CACNA2D1: variants seen among roughly 807,000 people sequenced by gnomAD.
CACNA2D1 encodes calcium voltage-gated channel auxiliary subunit alpha2delta 1.
CACNA2D1 carries 53 observed loss-of-function variants against 171.5 expected under a neutral mutation model. The ratio of observed to expected loss-of-function variants is 0.31; its 90% CI spans 0.25 to 0.39. The LOEUF (loss-of-function observed/expected upper bound fraction) is 0.39, where lower values mean the gene tolerates loss of function less well. Among genes scored for constraint, CACNA2D1 ranks in the 10% least tolerant of loss-of-function variants. CACNA2D1 has a pLI of 1.00. For synonymous variants in CACNA2D1, 442 were observed against 443.1 expected, an observed-to-expected ratio of 1.00 and a Z score of 0.03; for missense variants, 903 against 1,299.8, an observed-to-expected ratio of 0.69 and a Z score of 4.69.
chr7:81,984,202 C>T (rs180678841), intron 22 of CACNA2D1, among the ~76,000 whole-genome samples: 11 of 152,000 alleles, frequency 7.2e-5, no homozygotes, highest in African/African-American at 2.7e-4. Context: ...TTATTCTGGC[C>T]AAATGCAAAA....
chr7:82,340,402 C>T (rs1196323204), intron 2 of CACNA2D1, among the ~76,000 whole-genome samples: 1 of 150,874 alleles, frequency 6.6e-6, no homozygotes, highest in Non-Finnish European at 1.5e-5. Context: ...AACTCTCAGG[C>T]TTAAGCAATC....
chr7:82,299,060 CAAA>C (rs11438533), intron 3 of CACNA2D1, among the ~76,000 whole-genome samples: 1 of 111,848 alleles, frequency 8.9e-6, no homozygotes, highest in Non-Finnish European at 1.9e-5. Context: ...GAGACTCTGT[CAAA>C]AAAAAAAAAA....
chr7:82,112,133 T>C (rs1788547174), intron 6 of CACNA2D1, among the ~76,000 whole-genome samples: 1 of 152,172 alleles, frequency 6.6e-6, no homozygotes, highest in Admixed American at 6.5e-5. Context: ...ACTTTGGTTA[T>C]AAACCAATTA....
intron 7 of CACNA2D1, among the ~76,000 whole-genome samples, chr7:82,078,460 A>C (rs1001348274): frequency 6.6e-6 from 1 of 152,210 alleles, no homozygotes; most frequent in Non-Finnish European, 1.5e-5. Flanking sequence ...CAAAGTTGAT[A>C]GCTATTGAAA....
At chr7:82,000,064 T>C (rs1472247030) in intron 18 of CACNA2D1, among the ~76,000 whole-genome samples, 1 of 151,884 alleles carries the variant, frequency 6.6e-6, no homozygotes, top group Non-Finnish European at 1.5e-5. Context: ...ATCAAGACCA[T>C]GCTGGCCAAC....
intron 23 of CACNA2D1, 78 bp from the exon 24 acceptor site, chr7:81,982,705 G>T: frequency 2.2e-6 from 2 of 896,460 alleles, no homozygotes; most frequent in South Asian, 1.3e-5. Context: ...AAGAAGGCAT[G>T]AGAAAGATTA....
Position 81,969,900 on chromosome 7 carries a change from G to A in CACNA2D1, c.2289C>T (p.Phe763=), listed in dbSNP as rs1283388031. The change falls in exon 28 of 39, where the codon TTC becomes TTT. Residue 763 remains phenylalanine, a synonymous_variant. Coordinates refer to ENST00000356860, the MANE Select transcript of CACNA2D1 (RefSeq NM_000722.4). ...ACTTACTGTTAAAGTAGGGAGCAGT[G>A]AAAACATAGTTATCATTATCTAGGC... ...KRSLDNDNYV[F]TAPYFNKSGP... is the part of the protein sequence containing the mutation. The A allele has an allele frequency of 2.5e-6, 4 of 1,597,432 alleles. No individual in the cohort carries two copies. The highest frequency in any genetic ancestry group is 3.4e-6 in the Non-Finnish European group (4 of 1,165,894).
At chr7:82,049,712 C>G (rs1804980203) in intron 10 of CACNA2D1, among the ~76,000 whole-genome samples, 1 of 152,170 alleles carries the variant, frequency 6.6e-6, no homozygotes, top group African/African-American at 2.4e-5. Flanking sequence ...CTTAACAGAG[C>G]TCCCAGGCAA....
intron 1 of CACNA2D1, among the ~76,000 whole-genome samples, chr7:82,375,851 T>C (rs956226658): frequency 2.0e-5 from 3 of 152,110 alleles, no homozygotes; most frequent in African/African-American, 7.2e-5. Context: ...AGGGTGAAAA[T>C]CAGTTACTGG....
At position 82,370,645 on chromosome 7, in the gene CACNA2D1, A is replaced by C. The variant is rs1284973893; in HGVS notation, c.96-20996T>G. Among the ~76,000 whole-genome samples, 4 of 152,090 alleles carry C rather than the reference A, an allele frequency of 2.6e-5. No individual in the cohort carries two copies. The East Asian group carries it at 5.8e-4, about 22-fold the overall frequency. ...TAAGTAGATACACATACTCTTTGAA[A>C]GCAAATCAGGAAATATTGTTCAAAT... On this transcript the variant is annotated intron_variant, in intron 1 of 38. Transcript: ENST00000356860.
intron 3 of CACNA2D1, among the ~76,000 whole-genome samples, chr7:82,301,551 C>T (rs527702818): frequency 2.4e-4 from 37 of 151,778 alleles, no homozygotes; most frequent in Admixed American, 7.9e-4. Context: ...CCATACACAA[C>T]GAAAAAAGAG....
At chr7:82,252,927 T>A (rs1455467723) in intron 3 of CACNA2D1, among the ~76,000 whole-genome samples, 1 of 150,760 alleles carries the variant, frequency 6.6e-6, no homozygotes, top group Non-Finnish European at 1.5e-5. Flanking sequence ...ACACAAATTG[T>A]GGTAGCTGGC....
chr7:81,982,806 T>G (rs566843321), intron 23 of CACNA2D1, 179 bp from the exon 24 acceptor site: 4 of 668,250 alleles, frequency 6.0e-6, no homozygotes, highest in African/African-American at 3.6e-5. Context: ...CCCAAAATAA[T>G]AAAATTATAA....
intron 3 of CACNA2D1, among the ~76,000 whole-genome samples, chr7:82,284,043 C>T (rs1055780133): frequency 1.1e-4 from 16 of 151,580 alleles, no homozygotes; most frequent in Non-Finnish European, 1.9e-4. Context: ...ATAGAAACTA[C>T]AAAGAACTGG....
intron 2 of CACNA2D1, among the ~76,000 whole-genome samples, chr7:82,344,257 A>G (rs1165222588): frequency 1.3e-5 from 2 of 152,182 alleles, no homozygotes; most frequent in African/African-American, 2.4e-5. Flanking sequence ...GATAATCACA[A>G]GTATTTCCAT....
At chr7:82,212,200 AT>A in intron 3 of CACNA2D1, among the ~76,000 whole-genome samples, 1 of 152,338 alleles carries the variant, frequency 6.6e-6, no homozygotes, top group South Asian at 2.1e-4. Flanking sequence ...AATGATGGAT[AT>A]AAGAATAATC....
intron 2 of CACNA2D1, among the ~76,000 whole-genome samples, chr7:82,345,681 AGTGTGTGT>A (rs3054696): frequency 0.03 from 4,440 of 146,428 alleles, 213 homozygotes; most frequent in African/African-American, 0.1. Context: ...TAGCTAAAGG[AGTGTGTGT>A]GTGTGTGTGT....
chr7:82,245,676 A>T (rs5005297), intron 3 of CACNA2D1, among the ~76,000 whole-genome samples: 3 of 145,890 alleles, frequency 2.1e-5, no homozygotes, highest in African/African-American at 2.6e-5. Context: ...ACACACACAC[A>T]CACACACACA....
chr7:82,364,717 T>C (rs1821481266), intron 1 of CACNA2D1, among the ~76,000 whole-genome samples: 1 of 152,204 alleles, frequency 6.6e-6, no homozygotes, highest in Non-Finnish European at 1.5e-5. Flanking sequence ...AAGCATAGTG[T>C]ATATACTTTC....
Sources: allele counts gnomAD v4.1 joint callset (sites outside exome capture counted in the v4.1 genomes callset), GRCh38; gene constraint gnomAD v4.1.1; transcripts MANE v1.5; gene names NCBI Gene and HGNC (gene_info 2026-07-23, HGNC 2026-07-21).